CDH23: variants seen among roughly 807,000 people sequenced by gnomAD.
The protein encoded by CDH23 is cadherin related 23, also known as cadherin-23.
Under a neutral mutation model 317.1 loss-of-function variants are expected in CDH23, and 189 were observed. The observed-to-expected ratio is 0.60, with a 90% CI of 0.53 to 0.67. CDH23 has a LOEUF of 0.67. CDH23 is among the 30% of genes least tolerant of loss of function. The pLI, the probability that CDH23 is intolerant of heterozygous loss-of-function variation, is 0.00. For missense variants in CDH23, 4,401 were observed against 4,592.4 expected, an observed-to-expected ratio of 0.96 and a Z score of 1.20; for synonymous variants, 1,839 against 1,876.8, an observed-to-expected ratio of 0.98 and a Z score of 0.52.
chr10:71,679,586 C>T, intron 17 of CDH23, 94 bp downstream of exon 17: 1 of 990,396 alleles, frequency 1.0e-6, no homozygotes, highest in Non-Finnish European at 1.6e-6. Flanking sequence ...GCGGGCACTC[C>T]TTGTCTCCCT....
intron 38 of CDH23, chr10:71,749,858 A>G (rs1839951231): frequency 6.6e-6 from 1 of 151,742 alleles, no homozygotes; most frequent in African/African-American, 2.4e-5. Context: ...CCTAGCCCCA[A>G]ATCCTGGCTT....
chr10:71,812,781 G>A lies in CDH23; in HGVS notation c.9524G>A (p.Arg3175His), dbSNP rs140884994. ...SPTRTHGTFGREPAAVKPDDD... is the reference protein window; with the variant it reads ...SPTRTHGTFGHEPAAVKPDDD... ...CCCTCTCCCCAGGGAACTTTTGGGCGTGAGCCAGCAGCTGTCAAGCCTGAT... is the reference window on the plus strand; with the variant it reads ...CCCTCTCCCCAGGGAACTTTTGGGCATGAGCCAGCAGCTGTCAAGCCTGAT... Residue 3175 changes from arginine to histidine, a missense_variant, in exon 68 of 70, where the codon CGT (arginine) becomes CAT (histidine). This residue lies in a region of CDH23 where 1,144 missense variants were observed against 1,138.2 expected (regional missense o/e 1.01). Coordinates refer to ENST00000224721, the MANE Select transcript of CDH23 (RefSeq NM_022124.6). 2.3e-4 allele frequency: 363 copies of A among 1,613,134 alleles called. No homozygotes were observed. Among genetic ancestry groups the A allele is most frequent in the Middle Eastern group, 9.9e-4 (6 of 6,062 alleles).
At chr10:71,468,176 C>T (rs1207913465) in intron 3 of CDH23, among the ~76,000 whole-genome samples, 1 of 152,200 alleles carries the variant, frequency 6.6e-6, no homozygotes, top group Admixed American at 6.5e-5. Flanking sequence ...CTGGCTCTGC[C>T]AAGCCCTGGA....
intron 6 of CDH23, among the ~76,000 whole-genome samples, chr10:71,552,747 G>T: frequency 6.6e-6 from 1 of 152,116 alleles, no homozygotes; most frequent in East Asian, 1.9e-4. Flanking sequence ...AAAAAGCTTT[G>T]ATTCTTGTCC....
At chr10:71,773,353 C>G in intron 38 of CDH23, 1 of 1,605,686 alleles carries the variant, frequency 6.2e-7, no homozygotes, top group Non-Finnish European at 8.5e-7. Flanking sequence ...CTCCCCCGAC[C>G]TTACCTAGGG....
chr10:71,446,274 T>A, intron 2 of CDH23, 44 bp from the exon 3 acceptor site: 1 of 1,580,890 alleles, frequency 6.3e-7, no homozygotes, highest in Non-Finnish European at 8.7e-7. Flanking sequence ...TGTGTAAAGC[T>A]GATGGGGGGT....
chr10:71,654,784 G>A (rs766141867), intron 14 of CDH23, among the ~76,000 whole-genome samples: 16 of 152,128 alleles, frequency 1.1e-4, no homozygotes, highest in Non-Finnish European at 2.1e-4. Context: ...CTGAGCAGGC[G>A]CACCCCCAGG....
At chr10:71,760,040 T>TATATATACACACACAC in intron 38 of CDH23, among the ~76,000 whole-genome samples, 1 of 99,750 alleles carries the variant, frequency 1.0e-5, no homozygotes, top group South Asian at 3.4e-4. Context: ...CACACACACA[T>TATATATACACACACAC]ATATACACAC....
intron 38 of CDH23, among the ~76,000 whole-genome samples, chr10:71,772,131 AC>A (rs1239295741): frequency 1.3e-5 from 2 of 151,938 alleles, no homozygotes; most frequent in Non-Finnish European, 2.9e-5. Context: ...AGAAGCATCC[AC>A]CCTGGGGCTT....
At chr10:71,648,767 C>T (rs372842754) in intron 14 of CDH23, among the ~76,000 whole-genome samples, 8 of 152,228 alleles carry the variant, frequency 5.3e-5, no homozygotes, top group African/African-American at 1.9e-4. Flanking sequence ...CTCTGTGAGT[C>T]GCTAGGAACC....
At chr10:71,402,545 G>T (rs75554809) in intron 1 of CDH23, among the ~76,000 whole-genome samples, 1 of 152,314 alleles carries the variant, frequency 6.6e-6, no homozygotes, top group Non-Finnish European at 1.5e-5. Flanking sequence ...AAGGCATTGT[G>T]TAGTACCTGG....
At chr10:71,441,283 G>A (rs749258115) in intron 2 of CDH23, among the ~76,000 whole-genome samples, 22 of 152,018 alleles carry the variant, frequency 1.4e-4, no homozygotes, top group Non-Finnish European at 2.8e-4. Context: ...CTTCAATCGG[G>A]GCTCCTGAGA....
At chr10:71,449,263 C>T (rs892166119) in intron 3 of CDH23, among the ~76,000 whole-genome samples, 1 of 152,184 alleles carries the variant, frequency 6.6e-6, no homozygotes, top group Non-Finnish European at 1.5e-5. Flanking sequence ...GAGCCCAAGC[C>T]AGGCTGACCG....
intron 12 of CDH23, chr10:71,645,503 G>A (rs956337283): frequency 3.6e-5 from 17 of 478,686 alleles, no homozygotes; most frequent in South Asian, 8.3e-5. Context: ...GCAGCTGGCC[G>A]GTCCCTCCGC....
intron 19 of CDH23, among the ~76,000 whole-genome samples, chr10:71,688,865 G>C (rs1865036829): frequency 8.1e-6 from 1 of 123,528 alleles, no homozygotes. Context: ...GGGTGGTGGA[G>C]TCAGGGATGA....
chr10:71,584,396 A>G (rs549572565), intron 9 of CDH23, among the ~76,000 whole-genome samples: 1 of 152,208 alleles, frequency 6.6e-6, no homozygotes, highest in Non-Finnish European at 1.5e-5. Context: ...TCCAGGTCAC[A>G]CTGGGGCACT....
chr10:71,794,875 T>A (rs1366166405), intron 48 of CDH23, among the ~76,000 whole-genome samples: 1 of 152,148 alleles, frequency 6.6e-6, no homozygotes, highest in African/African-American at 2.4e-5. Context: ...TTATTGGTGA[T>A]GGTGGAGTTG....
chr10:71,759,874 C>CACACACACACATATATAT lies in CDH23; in HGVS notation c.4846-17791_4846-17790insTATACACACACACATATA, dbSNP rs1564779205. Among the ~76,000 whole-genome samples the CACACACACACATATATAT allele has an allele frequency of 1.4e-4, 10 of 70,340 alleles. 1 individual carries two copies. Among genetic ancestry groups the CACACACACACATATATAT allele is most frequent in the Non-Finnish European group, 2.4e-4 (7 of 28,692 alleles). 46.1% of individuals were successfully genotyped at this position (70,340 alleles called of 152,430 possible). ...ATACACACACACACACATATATATA[C>CACACACACACATATATAT]ACACACACACATATACACACACACA... On this transcript the variant is annotated intron_variant, in intron 38 of 69. Coordinates refer to ENST00000224721, the MANE Select transcript of CDH23 (RefSeq NM_022124.6).
At chr10:71,429,617 AG>A (rs1030946815) in intron 1 of CDH23, among the ~76,000 whole-genome samples, 4 of 148,426 alleles carry the variant, frequency 2.7e-5, no homozygotes, top group African/African-American at 7.3e-5. Flanking sequence ...GATCGGGGAC[AG>A]GGGGGAAAGT....
Sources: allele counts gnomAD v4.1 joint callset (sites outside exome capture counted in the v4.1 genomes callset), GRCh38; gene constraint gnomAD v4.1.1; regional missense constraint gnomAD v4.1.1; transcripts MANE v1.5; gene names NCBI Gene and HGNC (gene_info 2026-07-23, HGNC 2026-07-21).